XKR6: variants seen among roughly 807,000 people sequenced by gnomAD.
XKR6 encodes the protein XK-related protein 6.
XKR6 carries 22 observed loss-of-function variants against 56.7 expected under a neutral mutation model. The observed-to-expected ratio is 0.39, with a 90% CI of 0.28 to 0.55. XKR6 has a LOEUF of 0.55. Ranked by LOEUF, XKR6 falls within the 20% of genes least tolerant of loss-of-function variation. XKR6 has a pLI of 0.66. For synonymous variants in XKR6, 524 were observed against 387.8 expected (o/e 1.35, Z -4.13); for missense variants, 852 against 889.0 (o/e 0.96, Z 0.53).
intron 1 of XKR6, among the ~76,000 whole-genome samples, chr8:10,925,174 C>G (rs1407132245): frequency 6.6e-6 from 1 of 152,138 alleles, no homozygotes; most frequent in Non-Finnish European, 1.5e-5. Flanking sequence ...AGCTCCGGGA[C>G]AGGGGTGGGC....
Position 11,201,100 on chromosome 8 carries a change from C to G in XKR6, c.240G>C (p.Arg80Ser). 1.4e-6 allele frequency: 2 copies of G among 1,410,034 alleles called. No homozygotes were observed. The highest frequency in any genetic ancestry group is 1.8e-6 in the Non-Finnish European group (2 of 1,083,368). 87.3% of individuals were successfully genotyped at this position (1,410,034 alleles called of 1,614,324 possible). A position where few individuals can be genotyped will look rare whatever the true frequency, so the allele number is the denominator to read the frequency against. ...RSACLRSLLGRKPRRSAAADG... is the reference protein window; with the variant it reads ...RSACLRSLLGSKPRRSAAADG... Reference sequence around the variant, plus strand: ...CGGCGGCGGCGCTGCGGCGCGGCTTCCTGCCCAGGAGGGAGCGCAGGCAGG... The same window carrying G: ...CGGCGGCGGCGCTGCGGCGCGGCTTGCTGCCCAGGAGGGAGCGCAGGCAGG... The change falls in exon 1 of 3, where the codon AGG becomes AGC. Residue 80 changes from arginine to serine, a missense_variant. By Grantham distance (110) the Arg-to-Ser change is moderately radical. Transcript: ENST00000416569.
chr8:11,098,801 T>C (rs550948480), intron 1 of XKR6, among the ~76,000 whole-genome samples: 1 of 152,324 alleles, frequency 6.6e-6, no homozygotes, highest in East Asian at 1.9e-4. Context: ...TACTTTCTTT[T>C]GAATCTTAAG....
rs1797810779 is a variant in XKR6 at position 10,984,694 on chromosome 8, G to GGC, written c.765-59866_765-59865dup. Among the ~76,000 whole-genome samples the GGC allele has an allele frequency of 1.0e-4, 5 of 50,210 alleles. No individual in the cohort carries two copies. In the South Asian group the frequency reaches 2.2e-3, roughly 22 times the overall value. The allele number at this position is 50,210 out of a possible 152,430, so 32.9% of individuals were successfully genotyped here. On this transcript the variant is annotated intron_variant, in intron 1 of 2. Coordinates refer to ENST00000416569, the MANE Select transcript of XKR6 (RefSeq NM_173683.4). ...AAGTAACACAAAAGATAAAATACAT[G>GGC]GCTCTCTCTCTCTCTCTCTCTCTCT...
chr8:11,002,179 A>T lies in XKR6; in HGVS notation c.765-77349T>A, dbSNP rs76948580. 6.6e-5 allele frequency among the ~76,000 whole-genome samples: 10 copies of T among 151,380 alleles called. 1 individual carries two copies. The East Asian group carries it at 1.4e-3, about 21-fold the overall frequency. On this transcript the variant is annotated intron_variant, in intron 1 of 2. Transcript: ENST00000416569. ...GGCATCACCCTGCTGTGAATGCCTC[A>T]CCCTCCCCAATCCTGAGAGGGCCAG...
intron 1 of XKR6, among the ~76,000 whole-genome samples, chr8:10,930,647 C>G (rs1456938242): frequency 6.6e-6 from 1 of 152,162 alleles, no homozygotes; most frequent in Non-Finnish European, 1.5e-5. Context: ...GTCCAATATT[C>G]AAAAATCAAT....
chr8:11,003,923 G>A (rs1798304740), intron 1 of XKR6, among the ~76,000 whole-genome samples: 1 of 152,208 alleles, frequency 6.6e-6, no homozygotes, highest in Non-Finnish European at 1.5e-5. Flanking sequence ...CTGGTGGGAA[G>A]AGGGATGGCC....
chr8:11,077,351 C>G (rs1467448362), intron 1 of XKR6, among the ~76,000 whole-genome samples: 3 of 152,144 alleles, frequency 2.0e-5, no homozygotes, highest in Non-Finnish European at 2.9e-5. Context: ...CATGGCCCCT[C>G]CTGAGAGTGG....
intron 2 of XKR6, among the ~76,000 whole-genome samples, chr8:10,908,454 G>A (rs1800245864): frequency 6.6e-6 from 1 of 151,996 alleles, no homozygotes; most frequent in South Asian, 2.1e-4. Context: ...TCCAATGGGT[G>A]AGCTGTTCTT....
intron 1 of XKR6, among the ~76,000 whole-genome samples, chr8:11,099,344 C>G (rs751364404): frequency 3.7e-4 from 56 of 152,322 alleles, no homozygotes; most frequent in Non-Finnish European, 6.2e-4. Context: ...TGTTAAATGG[C>G]TGAATCTACT....
intron 1 of XKR6, among the ~76,000 whole-genome samples, chr8:11,016,296 C>T (rs1798620351): frequency 1.3e-5 from 2 of 152,134 alleles, no homozygotes; most frequent in Admixed American, 1.3e-4. Flanking sequence ...TGGGGAGGGT[C>T]TGGGCTCCGC....
In XKR6 at chr8:11,200,839, G is replaced by A. The variant is rs759300833; in HGVS notation, c.501C>T (p.Phe167=). The change falls in exon 1 of 3, where the codon TTC becomes TTT. Residue 167 remains phenylalanine (F), a synonymous_variant. Transcript: ENST00000416569. The surrounding 1 kb of genome is among the most constrained non-coding windows in gnomAD (Gnocchi z 6.4). Reference sequence around the variant, plus strand: ...CCAGCAGCGACGGCACCAGCACGAAGAAGAGGGTCAGCCCGAAGTAGACGT... The same window carrying A: ...CCAGCAGCGACGGCACCAGCACGAAAAAGAGGGTCAGCCCGAAGTAGACGT... ...GDYVYFGLTL[F]FVLVPSLLVQ... 1.9e-6 allele frequency: 3 copies of A among 1,612,060 alleles called. No individual in the cohort carries two copies. The highest frequency in any genetic ancestry group is 2.2e-5 in the South Asian group (2 of 91,008).
intron 1 of XKR6, among the ~76,000 whole-genome samples, chr8:10,951,273 A>T (rs1381668094): frequency 1.0e-5 from 1 of 99,586 alleles, no homozygotes; most frequent in Non-Finnish European, 2.1e-5. Flanking sequence ...AATAAAACAG[A>T]GGGATAGAAA....
At chr8:11,145,006 G>A (rs377297306) in intron 1 of XKR6, among the ~76,000 whole-genome samples, 1 of 127,510 alleles carries the variant, frequency 7.8e-6, no homozygotes, top group African/African-American at 3.2e-5. Context: ...GGAGAAGGGA[G>A]GGAGGAAGGG....
chr8:11,008,610 C>T (rs11995682), intron 1 of XKR6, among the ~76,000 whole-genome samples: 71,801 of 151,598 alleles, frequency 0.47, 21,640 homozygotes, highest in African/African-American at 0.85. Flanking sequence ...TTAGTACATA[C>T]GACCCCATTA....
At chr8:11,153,621 C>A (rs1472088359) in intron 1 of XKR6, among the ~76,000 whole-genome samples, 1 of 152,148 alleles carries the variant, frequency 6.6e-6, no homozygotes, top group African/African-American at 2.4e-5. Context: ...TTGCAATATA[C>A]CAACCAGTAT....
chr8:11,137,720 G>C (rs576751879), intron 1 of XKR6: 9 of 456,238 alleles, frequency 2.0e-5, no homozygotes, highest in African/African-American at 1.6e-4. Flanking sequence ...CCTGAAATAG[G>C]AAAGAAGAAA....
intron 1 of XKR6, among the ~76,000 whole-genome samples, chr8:11,147,654 C>CAAAAAAA (rs35057185): frequency 9.9e-6 from 1 of 100,624 alleles, no homozygotes; most frequent in African/African-American, 3.9e-5. Context: ...GACTCTGTCT[C>CAAAAAAA]AAAAAAAAAA....
At position 11,097,755 on chromosome 8, in the gene XKR6, C is replaced by G. The variant is rs182851320; in HGVS notation, c.764+102821G>C. 5.5e-3 allele frequency among the ~76,000 whole-genome samples: 732 copies of G among 132,144 alleles called. 2 individuals are homozygous for G. The highest frequency in any genetic ancestry group is 8.5e-3 in the Non-Finnish European group (556 of 65,626). The allele number at this position is 132,144 out of a possible 152,430, so 86.7% of individuals were successfully genotyped here. A position where few individuals can be genotyped will look rare whatever the true frequency, so the allele number is the denominator to read the frequency against. ...CCAGGAGGCGGAGGCTGCAGTGAGC[C>G]AAGATCACGCCACCGCACTCCAGCC... On this transcript the variant is annotated intron_variant, in intron 1 of 2. Transcript: ENST00000416569.
Position 11,107,984 on chromosome 8 carries a change from T to C in XKR6, c.764+92592A>G, listed in dbSNP as rs946444862. The C allele has an allele frequency of 4.1e-5, 13 of 320,946 alleles. No individual in the cohort carries two copies. In the East Asian group the frequency reaches 1.2e-3, roughly 29 times the overall value. The allele number at this position is 320,946 out of a possible 1,614,324, so 19.9% of individuals were successfully genotyped here. A position where few individuals can be genotyped will look rare whatever the true frequency, so the allele number is the denominator to read the frequency against. ...CTTCCATCTCTCCACTCGGTCCCAA[T>C]ATTAGAGTTTCTTCAGGCTGCTTCA... On this transcript the variant is annotated intron_variant, in intron 1 of 2. Coordinates refer to ENST00000416569, the MANE Select transcript of XKR6 (RefSeq NM_173683.4).
Sources: allele counts gnomAD v4.1 joint callset (sites outside exome capture counted in the v4.1 genomes callset), GRCh38; gene constraint gnomAD v4.1.1; non-coding constraint Gnocchi (gnomAD v3.1); transcripts MANE v1.5; gene names NCBI Gene and HGNC (gene_info 2026-07-23, HGNC 2026-07-21).